The following CDKN2B-AS1 variants were observed in gnomAD, a reference collection of about 807,000 sequenced individuals.
CDKN2B-AS1 encodes the protein CDKN2B and CDKN2A antisense cis and trans regulatory RNA 1, also known as CDKN2B antisense RNA 1 (non-protein coding).
At chr9:22,004,074 G>A (rs890946099) in intron 1 of CDKN2B-AS1, 1 of 232,554 alleles carries the variant, frequency 4.3e-6, no homozygotes. Context: ...CCTCATCTGG[G>A]AAACAATACC....
intron 3 of CDKN2B-AS1, among the ~76,000 whole-genome samples, chr9:22,055,889 A>G (rs1276075959): frequency 6.6e-6 from 1 of 152,158 alleles, no homozygotes. Context: ...TGAATAAAGA[A>G]TACAAACAAT....
At chr9:22,040,404 C>G (rs1283438049) in intron 1 of CDKN2B-AS1, among the ~76,000 whole-genome samples, 1 of 151,984 alleles carries the variant, frequency 6.6e-6, no homozygotes, top group Non-Finnish European at 1.5e-5. Context: ...TCCAAAACAT[C>G]ATTACTCTAC....
At chr9:22,073,705 A>G (rs1306159011) in intron 4 of CDKN2B-AS1, among the ~76,000 whole-genome samples, 2 of 152,198 alleles carry the variant, frequency 1.3e-5, no homozygotes, top group South Asian at 4.1e-4. Context: ...ATCCCTATGG[A>G]TAAATTAGGC....
chr9:22,097,660 T>C (rs555742951), intron 4 of CDKN2B-AS1, among the ~76,000 whole-genome samples: 1 of 152,334 alleles, frequency 6.6e-6, no homozygotes, highest in South Asian at 2.1e-4. Context: ...TTTACAATTC[T>C]AAGAATAATA....
chr9:21,997,553 G>C lies in CDKN2B-AS1; in HGVS notation n.29+2392G>C, dbSNP rs1008864174. ...TTTTAAGGAATTGTCTCAGAAAATG[G>C]TGGGGGTTGACAAATTGGAGACCCA... On this transcript the variant is annotated intron_variant and non_coding_transcript_variant, in intron 1 of 4. Transcript: ENST00000650946. This position sits in a 1 kb window ranked among gnomAD's most constrained non-coding sequence, Gnocchi z 4.8. Among the ~76,000 whole-genome samples, 2 of 152,098 alleles carry C rather than the reference G, an allele frequency of 1.3e-5. No individual in the cohort carries two copies. The highest frequency in any genetic ancestry group is 4.8e-5 in the African/African-American group (2 of 41,418).
At chr9:22,057,717 G>A (rs1204183639) in intron 4 of CDKN2B-AS1, among the ~76,000 whole-genome samples, 3 of 150,098 alleles carry the variant, frequency 2.0e-5, no homozygotes, top group Non-Finnish European at 4.4e-5. Context: ...CAGAGGTGGA[G>A]GATTGCTTGA....
chr9:21,996,774 GA>G lies in CDKN2B-AS1; in HGVS notation n.29+1618del, dbSNP rs1426358811. Among the ~76,000 whole-genome samples the G allele has an allele frequency of 6.6e-6, 1 of 152,192 alleles. No homozygotes were observed. Among genetic ancestry groups the G allele is most frequent in the African/African-American group, 2.4e-5 (1 of 41,438 alleles). On this transcript the variant is annotated intron_variant and non_coding_transcript_variant, in intron 1 of 4. Transcript: ENST00000650946. This position sits in a 1 kb window ranked among gnomAD's most constrained non-coding sequence, Gnocchi z 5.4. ...TAGAAAGGGTTAGTTCATCCTGGAAGAAAAACGATGTCGGATGCCAGCATAG... is the reference window on the plus strand; with the variant it reads ...TAGAAAGGGTTAGTTCATCCTGGAAGAAAACGATGTCGGATGCCAGCATAG...
intron 4 of CDKN2B-AS1, among the ~76,000 whole-genome samples, chr9:22,099,425 T>C (rs1041092861): frequency 1.3e-5 from 2 of 152,174 alleles, no homozygotes; most frequent in Non-Finnish European, 1.5e-5. Flanking sequence ...GACGGGGAGC[T>C]GGGTTTGATA....
chr9:22,030,744 G>T (rs1822434090), intron 1 of CDKN2B-AS1: 1 of 151,548 alleles, frequency 6.6e-6, no homozygotes, highest in African/African-American at 2.4e-5. Flanking sequence ...TTTCTTATGA[G>T]GTAAGTATTA....
chr9:22,008,971 C>T lies in CDKN2B-AS1; in HGVS notation n.29+13810C>T, dbSNP rs753272006. ...TCGCGCATTCCGCAGCCCCCAGACG[C>T]GCAGCGGCCCGGATAATCCACCGTT... On this transcript the variant is annotated intron_variant and non_coding_transcript_variant, in intron 1 of 4. Coordinates refer to ENST00000650946, the Ensembl canonical transcript of CDKN2B-AS1. 4 of 1,613,152 alleles carry T rather than the reference C, an allele frequency of 2.5e-6. No individual in the cohort carries two copies. In the African/African-American group the frequency reaches 4.0e-5, roughly 16 times the overall value.
chr9:22,071,098 A>C (rs1446072101), intron 4 of CDKN2B-AS1, among the ~76,000 whole-genome samples: 1 of 151,586 alleles, frequency 6.6e-6, no homozygotes, highest in Admixed American at 6.6e-5. Context: ...GTTAGTTTGA[A>C]TTATTTGCTT....
intron 4 of CDKN2B-AS1, among the ~76,000 whole-genome samples, chr9:22,085,901 C>T (rs1587510690): frequency 6.6e-6 from 1 of 151,516 alleles, no homozygotes; most frequent in African/African-American, 2.4e-5. Flanking sequence ...CTTTGCATCT[C>T]GTAGCCCATT....
chr9:22,017,746 A>G (rs1324723508), intron 1 of CDKN2B-AS1, among the ~76,000 whole-genome samples: 3 of 152,048 alleles, frequency 2.0e-5, no homozygotes, highest in Admixed American at 2.0e-4. Context: ...ATATTTGTTC[A>G]TTATAAGCAT....
chr9:22,052,574 A>G (rs772129077), intron 3 of CDKN2B-AS1, among the ~76,000 whole-genome samples: 2 of 152,300 alleles, frequency 1.3e-5, no homozygotes, highest in Non-Finnish European at 2.9e-5. Flanking sequence ...GTGGACATCA[A>G]TACTCCCACA....
chr9:22,008,976 C>G (rs747087113), intron 1 of CDKN2B-AS1: 3 of 1,613,252 alleles, frequency 1.9e-6, no homozygotes, highest in Non-Finnish European at 2.5e-6. Context: ...AGACGCGCAG[C>G]GGCCCGGATA....
At chr9:22,127,329 C>G (rs1339339155) in exon 5 of CDKN2B-AS1, among the ~76,000 whole-genome samples, 1 of 152,166 alleles carries the variant, frequency 6.6e-6, no homozygotes, top group Non-Finnish European at 1.5e-5. Context: ...ATCCACCTGC[C>G]TTCGCCTCCC....
chr9:22,124,075 C>A (rs575554874), intron 4 of CDKN2B-AS1, among the ~76,000 whole-genome samples: 1 of 151,390 alleles, frequency 6.6e-6, no homozygotes, highest in Non-Finnish European at 1.5e-5. Flanking sequence ...CTTGTATAAT[C>A]TTTTTGTAGT....
intron 1 of CDKN2B-AS1, among the ~76,000 whole-genome samples, chr9:22,034,684 A>T (rs1188119278): frequency 6.6e-6 from 1 of 151,956 alleles, no homozygotes; most frequent in Non-Finnish European, 1.5e-5. Context: ...AGGTTGGCAA[A>T]CTTTTTCTAT....
At chr9:22,081,739 T>C (rs1198193218) in intron 4 of CDKN2B-AS1, among the ~76,000 whole-genome samples, 6 of 152,214 alleles carry the variant, frequency 3.9e-5, no homozygotes, top group African/African-American at 1.4e-4. Flanking sequence ...CACTTTTCCC[T>C]CTGACTCAGT....
Sources: gnomAD v4.1 joint callset for allele counts (sites outside exome capture counted in the v4.1 genomes callset) on GRCh38, gnomAD v4.1.1 for gene constraint, Gnocchi (gnomAD v3.1) non-coding constraint, MANE v1.5 for transcripts, NCBI Gene and HGNC (gene_info 2026-07-23, HGNC 2026-07-21) for gene names.